Variants in QRICH2 observed in about 807,000 individuals in gnomAD.
QRICH2 encodes the protein glutamine rich 2.
A neutral mutation model predicts 168.3 loss-of-function variants in QRICH2; 119 were observed. That is an observed-to-expected ratio of 0.71 (90% CI 0.61 to 0.82). The LOEUF (loss-of-function observed/expected upper bound fraction) is 0.82. Ranked by LOEUF, QRICH2 falls within the 40% of genes least tolerant of loss-of-function variation. The probability of loss-of-function intolerance (pLI) is 0.00; values close to 1 mark genes in which losing one functional copy is unlikely to be tolerated. For missense variants in QRICH2, 2,241 were observed against 2,491.6 expected, an observed-to-expected ratio of 0.90 and a Z score of 2.14; for synonymous variants, 894 against 951.2, an observed-to-expected ratio of 0.94 and a Z score of 1.11.
chr17:76,281,075 GC>G lies in QRICH2; in HGVS notation c.4264-123del, dbSNP rs1246647628. 9.6e-6 allele frequency: 13 copies of G among 1,349,910 alleles called. No homozygotes were observed. Among genetic ancestry groups the G allele is most frequent in the Non-Finnish European group, 3.0e-6 (3 of 1,003,274 alleles). 83.6% of individuals were successfully genotyped at this position (1,349,910 alleles called of 1,614,324 possible). On this transcript the variant is annotated intron_variant, in intron 8 of 18. Coordinates refer to ENST00000680821, the MANE Select transcript of QRICH2 (RefSeq NM_001388453.1). The surrounding 1 kb of genome is among the most constrained non-coding windows in gnomAD (Gnocchi z 4.4). ...AACATCTGCAAGGCTGGGAGCGGTG[GC>G]TCATGCCTGTAGTCCTGGCACTTTG...
In QRICH2 at chr17:76,292,369, TTCA is replaced by T; in HGVS notation, c.2355_2357del (p.Glu786del). The T allele has an allele frequency of 1.3e-6, 2 of 1,593,840 alleles. No homozygotes were observed. Among genetic ancestry groups the T allele is most frequent in the African/African-American group, 2.9e-5 (2 of 70,120 alleles). The stretch of plus-strand genomic sequence containing the variant: ...CAGGTTGCACCAAACTACGCTGAAC[TTCA>T]CCAGGTTGTGCCAAACCATGCTGAT... On this transcript the variant is annotated inframe_deletion, in exon 4 of 19. Coordinates refer to ENST00000680821, the MANE Select transcript of QRICH2 (RefSeq NM_001388453.1).
chr17:76,292,577 T>C lies in QRICH2; in HGVS notation c.2150A>G (p.Gln717Arg). 1 of 1,614,128 alleles carries C rather than the reference T, an allele frequency of 6.2e-7. No homozygotes were observed. The highest frequency in any genetic ancestry group is 8.5e-7 in the Non-Finnish European group (1 of 1,179,978). The change falls in exon 4 of 19, where the codon CAG becomes CGG. Residue 717 changes from glutamine to arginine, a missense_variant. Gln to Arg is a conservative substitution (Grantham distance 43). Around this residue, in one of 3 missense-constraint regions of QRICH2, gnomAD observed 2,047 missense variants for 2,303.8 expected, o/e 0.89. Transcript: ENST00000680821. Reference sequence around the variant, plus strand: ...TGCACCAGGTTGAGCCAAATCACTCTGATCTGCACCAGATTGTACCAAACC... The same window carrying C: ...TGCACCAGGTTGAGCCAAATCACTCCGATCTGCACCAGATTGTACCAAACC... Reference protein sequence around the residue: ...QHGLVQSGADQSDLAQPGAVQ... With the variant: ...QHGLVQSGADRSDLAQPGAVQ...
In QRICH2 at chr17:76,274,161, C is replaced by T; in HGVS notation, c.5582G>A (p.Gly1861Glu). ...PPSSAAVANR[G>E]LERHVDMPPG... ...AGGCATGTCCACGTGCCTCTCCAGC[C>T]CCCTGTTTGCCACCGCGGCGGAGCT... The change falls in exon 19 of 19, where the codon GGG becomes GAG. Residue 1861 changes from glycine to glutamate, a missense_variant. Gly to Glu is a moderately conservative substitution (Grantham distance 98, BLOSUM62 -2). Around this residue, in one of 3 missense-constraint regions of QRICH2, gnomAD observed 189 missense variants for 169.3 expected, o/e 1.12. Transcript: ENST00000680821. 1.3e-6 allele frequency: 2 copies of T among 1,582,884 alleles called. No homozygotes were observed. The highest frequency in any genetic ancestry group is 1.4e-5 in the African/African-American group (1 of 72,570).
At chr17:76,300,919 TG>T (rs770756893) in intron 3 of QRICH2, among the ~76,000 whole-genome samples, 9 of 152,078 alleles carry the variant, frequency 5.9e-5, no homozygotes, top group Non-Finnish European at 1.3e-4. Flanking sequence ...CCGGGCGTGG[TG>T]GTGGGCACCT....
upstream of QRICH2, chr17:76,308,554 GTGGCCCCATGTCTA>G (rs757219283): frequency 5.5e-4 from 507 of 919,590 alleles, 1 homozygote; most frequent in Middle Eastern, 2.2e-3. Context: ...TTCCAGAGTG[GTGGCCCCATGTCTA>G]TGGCCCCATG....
chr17:76,301,872 T>G (rs915310479), intron 3 of QRICH2, among the ~76,000 whole-genome samples: 1 of 136,160 alleles, frequency 7.3e-6, no homozygotes, highest in Non-Finnish European at 1.6e-5. Context: ...CTGGCTAATT[T>G]TGTGTGTGTG....
intron 7 of QRICH2, among the ~76,000 whole-genome samples, chr17:76,282,767 C>T (rs764327626): frequency 1.1e-4 from 17 of 152,290 alleles, no homozygotes; most frequent in Admixed American, 6.5e-4. Flanking sequence ...CAAGGGCAGC[C>T]GGTCCCTCAA....
intron 5 of QRICH2, among the ~76,000 whole-genome samples, chr17:76,289,733 T>C (rs1484834388): frequency 1.3e-5 from 2 of 150,896 alleles, no homozygotes; most frequent in South Asian, 4.2e-4. Flanking sequence ...AGGTTGGGAG[T>C]TCAAGACCAG....
chr17:76,308,290 C>G, upstream of QRICH2: 1 of 985,370 alleles, frequency 1.0e-6, no homozygotes, highest in Non-Finnish European at 1.2e-6. Context: ...ACGTGGGGGC[C>G]CCCGCGTGCC....
chr17:76,280,791 T>C lies in QRICH2; in HGVS notation c.4386+40A>G, dbSNP rs1210057648. The C allele has an allele frequency of 1.2e-6, 2 of 1,613,918 alleles. No homozygotes were observed. Among genetic ancestry groups the C allele is most frequent in the Non-Finnish European group, 1.7e-6 (2 of 1,179,964 alleles). On this transcript the variant is annotated intron_variant, in intron 9 of 18. Transcript: ENST00000680821. This position sits in a 1 kb window ranked among gnomAD's most constrained non-coding sequence, Gnocchi z 7.4. ...CAGCTGCGGGGCTAGGGCACCACAT[T>C]GAGCCCCGGCCCCATCCCAGCCACC...
intron 2 of QRICH2, 37 bp from the exon 3 acceptor site, chr17:76,304,562 T>A: frequency 1.4e-6 from 2 of 1,430,854 alleles, no homozygotes; most frequent in Non-Finnish European, 2.0e-6. Flanking sequence ...ATACACCCCT[T>A]GATTAATCCC....
intron 7 of QRICH2, among the ~76,000 whole-genome samples, chr17:76,285,289 G>A (rs2070862170): frequency 1.3e-5 from 2 of 151,806 alleles, no homozygotes; most frequent in African/African-American, 4.8e-5. Flanking sequence ...GTGCCACCTC[G>A]CCCGGCTAAT....
Position 76,293,483 on chromosome 17 carries a change from AGGGGTACCACACCATGTG to A in QRICH2, c.1226_1243del (p.Pro409_Pro414del). 6.2e-7 allele frequency: 1 copy of A among 1,614,168 alleles called. No homozygotes were observed. On this transcript the variant is annotated inframe_deletion, in exon 4 of 19. Coordinates refer to ENST00000680821, the MANE Select transcript of QRICH2 (RefSeq NM_001388453.1). ...TGGCACACCAAGCTGACCCATGCTG[AGGGGTACCACACCATGTG>A]GGTAAGTGCTAGCAGGCACTAATCC... is the stretch of plus-strand genomic sequence containing the variant.
At chr17:76,290,369 G>C (rs1480651546) in intron 4 of QRICH2, among the ~76,000 whole-genome samples, 2 of 152,002 alleles carry the variant, frequency 1.3e-5, no homozygotes, top group Non-Finnish European at 2.9e-5. Context: ...TTGGAGTTGG[G>C]AACAGGCAAA....
intron 3 of QRICH2, among the ~76,000 whole-genome samples, chr17:76,299,966 G>A (rs887670726): frequency 7.2e-5 from 11 of 151,808 alleles, no homozygotes; most frequent in Non-Finnish European, 1.0e-4. Flanking sequence ...GAATAGCTGG[G>A]ACTACAGGCA....
intron 3 of QRICH2, among the ~76,000 whole-genome samples, chr17:76,294,223 G>C (rs552053347): frequency 1.3e-5 from 2 of 151,998 alleles, no homozygotes; most frequent in Non-Finnish European, 2.9e-5. Context: ...TCAGGAGTTC[G>C]AGACCAGCCT....
In QRICH2 at chr17:76,292,497, G is replaced by A. The variant is rs752868487; in HGVS notation, c.2230C>T (p.Arg744Cys). 9.2e-6 allele frequency: 14 copies of A among 1,528,158 alleles called. No individual in the cohort carries two copies. The highest frequency in any genetic ancestry group is 2.3e-5 in the South Asian group (2 of 86,148). The allele number at this position is 1,528,158 out of a possible 1,614,324, so 94.7% of individuals were successfully genotyped here. ...GVDQRGLAQP[R>C]ADHQRGLVPP... ...ACCAAACCACGCTGATGATCTGCACGAGGTTGTGCCAAACCACGCTGATCT... is the reference window on the plus strand; with the variant it reads ...ACCAAACCACGCTGATGATCTGCACAAGGTTGTGCCAAACCACGCTGATCT... Residue 744 changes from arginine (R) to cysteine (C), a missense_variant, in exon 4 of 19, where the codon CGT becomes TGT. Arg to Cys is a radical substitution (Grantham distance 180). Around this residue, in one of 3 missense-constraint regions of QRICH2, gnomAD observed 2,047 missense variants for 2,303.8 expected, o/e 0.89. Coordinates refer to ENST00000680821, the MANE Select transcript of QRICH2 (RefSeq NM_001388453.1).
chr17:76,283,357 G>A (rs2143198121), intron 7 of QRICH2, among the ~76,000 whole-genome samples: 1 of 152,258 alleles, frequency 6.6e-6, no homozygotes, highest in East Asian at 1.9e-4. Context: ...GATGGGGCAT[G>A]TGGAAGTGGG....
chr17:76,307,562 T>G lies in QRICH2; in HGVS notation c.437A>C (p.Glu146Ala). The change falls in exon 1 of 19, where the codon GAG becomes GCG. Residue 146 changes from glutamate to alanine, a missense_variant. Coordinates refer to ENST00000680821, the MANE Select transcript of QRICH2 (RefSeq NM_001388453.1). This position sits in a 1 kb window ranked among gnomAD's most constrained non-coding sequence, Gnocchi z 5.3. ...QASGLDLAAL[E>A]WPEEQEVGVR... ...GCCCACCTCCTGCTCCTCCGGCCAC[T>G]CTAGCGCGGCCAGGTCAAGCCCGCT... is the stretch of plus-strand genomic sequence containing the variant. The G allele has an allele frequency of 6.3e-7, 1 of 1,581,558 alleles. No individual in the cohort carries two copies.
Sources: gnomAD v4.1 joint callset for allele counts (sites outside exome capture counted in the v4.1 genomes callset) on GRCh38, gnomAD v4.1.1 for gene constraint, gnomAD v4.1.1 regional missense constraint, Gnocchi (gnomAD v3.1) non-coding constraint, MANE v1.5 for transcripts, NCBI Gene and HGNC (gene_info 2026-07-23, HGNC 2026-07-21) for gene names.